Variants in LRP1B observed in about 807,000 individuals in gnomAD.
The protein encoded by LRP1B is LDL receptor related protein 1B.
A neutral mutation model predicts 556.6 loss-of-function variants in LRP1B; 217 were observed. The observed-to-expected ratio is 0.39, with a 90% CI of 0.35 to 0.44. LRP1B has a LOEUF of 0.44. Among genes scored for constraint, LRP1B ranks in the 20% least tolerant of loss-of-function variants. The probability of loss-of-function intolerance (pLI) is 1.00; values close to 1 mark genes in which losing one functional copy is unlikely to be tolerated. For synonymous variants in LRP1B, 2,047 were observed against 1,865.8 expected, an observed-to-expected ratio of 1.10 and a Z score of -2.50; for missense variants, 5,053 against 5,620.8, an observed-to-expected ratio of 0.90 and a Z score of 3.23.
chr2:141,159,907 C>T (rs1053046740), intron 7 of LRP1B, among the ~76,000 whole-genome samples: 12 of 152,198 alleles, frequency 7.9e-5, no homozygotes, highest in African/African-American at 2.6e-4. Flanking sequence ...AAACCAAACA[C>T]TGCATGTTCT....
rs552496866 is a variant in LRP1B at position 140,365,604 on chromosome 2, G to A, written c.11009-821C>T. Among the ~76,000 whole-genome samples the A allele has an allele frequency of 1.4e-3, 206 of 151,658 alleles. 3 individuals are homozygous for A. The highest frequency in any genetic ancestry group is 5.8e-3 in the South Asian group (28 of 4,816). On this transcript the variant is annotated intron_variant, in intron 71 of 90. Transcript: ENST00000389484. ...TGGATAACTCTATTAATATCTCTGG[G>A]ACTCAATGTTTTTATATGTTATAAA...
In LRP1B at chr2:141,848,917, CCTGG is replaced by C. The variant is rs1469253748; in HGVS notation, c.83-38520_83-38517del. On this transcript the variant is annotated intron_variant, in intron 1 of 90. Transcript: ENST00000389484. ...TGCCATTCAGATGTCCAGGGGAGTG[CCTGG>C]CACATAGTAAATGTTCATTAATATG... Among the ~76,000 whole-genome samples, 7 of 151,412 alleles carry C rather than the reference CCTGG, an allele frequency of 4.6e-5. No individual in the cohort carries two copies. In the East Asian group the frequency reaches 1.4e-3, roughly 29 times the overall value.
rs552662563 is a variant in LRP1B at position 141,619,208 on chromosome 2, C to T, written c.206-138675G>A. ...TTTCTGCTTTTTATAATCATAGGGC[C>T]TGATCTTGAGTAGGCATTATTTGCT... On this transcript the variant is annotated intron_variant, in intron 2 of 90. Transcript: ENST00000389484. Among the ~76,000 whole-genome samples, 30 of 152,254 alleles carry T rather than the reference C, an allele frequency of 2.0e-4. 1 individual carries two copies. The highest frequency in any genetic ancestry group is 7.0e-4 in the African/African-American group (29 of 41,540).
chr2:140,689,303 CTG>C (rs754499973), intron 41 of LRP1B, among the ~76,000 whole-genome samples: 5 of 152,194 alleles, frequency 3.3e-5, no homozygotes, highest in Admixed American at 2.0e-4. Context: ...AGTGTTCAAA[CTG>C]TGTTCAAATA....
chr2:141,069,637 C>G (rs901532926), intron 7 of LRP1B, among the ~76,000 whole-genome samples: 1 of 152,060 alleles, frequency 6.6e-6, no homozygotes, highest in Non-Finnish European at 1.5e-5. Context: ...TCACCCGTGG[C>G]TACACTTTAC....
rs537282146 is a variant in LRP1B at position 141,319,312 on chromosome 2, T to G, written c.344-64671A>C. Among the ~76,000 whole-genome samples, 1,219 of 148,370 alleles carry G rather than the reference T, an allele frequency of 8.2e-3. 22 individuals carry two copies. Among genetic ancestry groups the G allele is most frequent in the Non-Finnish European group, 0.014 (935 of 67,062 alleles). On this transcript the variant is annotated intron_variant, in intron 3 of 90. Transcript: ENST00000389484. ...CTAAAAAGCAGTGTTTTTTTGTTGT[T>G]TTTTTTTTTTTTCCTACTCTTACTT... is the stretch of plus-strand genomic sequence containing the variant.
chr2:140,794,771 G>A (rs964254282), intron 32 of LRP1B, among the ~76,000 whole-genome samples: 1 of 151,686 alleles, frequency 6.6e-6, no homozygotes, highest in Non-Finnish European at 1.5e-5. Flanking sequence ...GAGCCACTAC[G>A]CCCAGCTAAT....
chr2:140,529,306 G>C (rs11901153), intron 47 of LRP1B, among the ~76,000 whole-genome samples: 1 of 151,590 alleles, frequency 6.6e-6, no homozygotes, highest in Non-Finnish European at 1.5e-5. Context: ...AAAATATTTA[G>C]TGAGATTTGA....
chr2:140,600,085 T>A (rs1682594757), intron 42 of LRP1B, among the ~76,000 whole-genome samples: 1 of 152,148 alleles, frequency 6.6e-6, no homozygotes, highest in African/African-American at 2.4e-5. Flanking sequence ...AGGTGAAAAG[T>A]GTAAATGTTA....
At chr2:142,095,231 T>C (rs1706318023) in intron 1 of LRP1B, among the ~76,000 whole-genome samples, 5 of 151,430 alleles carry the variant, frequency 3.3e-5, no homozygotes, top group African/African-American at 1.2e-4. Flanking sequence ...TGTGAAGCAA[T>C]GCACAAGAGT....
At position 141,698,291 on chromosome 2, in the gene LRP1B, C is replaced by G. The variant is rs149624832; in HGVS notation, c.205+111988G>C. Among the ~76,000 whole-genome samples, 33 of 151,648 alleles carry G rather than the reference C, an allele frequency of 2.2e-4. 1 individual carries two copies. In the East Asian group the frequency reaches 6.5e-3, roughly 30 times the overall value. ...ATCCTGCTCTCGCACATCTTCCTAC[C>G]GAGTAGAAAGTTTAGACAATTATAC... On this transcript the variant is annotated intron_variant, in intron 2 of 90. Transcript: ENST00000389484.
At chr2:140,776,070 C>G (rs1689486565) in intron 33 of LRP1B, 28 bp downstream of exon 33, 1 of 1,510,602 alleles carries the variant, frequency 6.6e-7, no homozygotes, top group African/African-American at 1.5e-5. Flanking sequence ...TATTCAAGAC[C>G]TGGCACAAAT....
At chr2:140,654,117 C>A (rs892716377) in intron 41 of LRP1B, among the ~76,000 whole-genome samples, 1 of 148,650 alleles carries the variant, frequency 6.7e-6, no homozygotes, top group Non-Finnish European at 1.5e-5. Flanking sequence ...TGAGTAATTG[C>A]TATTTTTATA....
chr2:141,801,012 C>T (rs1695988808), intron 2 of LRP1B, among the ~76,000 whole-genome samples: 1 of 152,068 alleles, frequency 6.6e-6, no homozygotes, highest in Non-Finnish European at 1.5e-5. Context: ...CTAACGTGCA[C>T]ATTTGAAAGC....
intron 7 of LRP1B, among the ~76,000 whole-genome samples, chr2:141,084,450 A>G (rs1699998290): frequency 6.6e-6 from 1 of 152,210 alleles, no homozygotes; most frequent in African/African-American, 2.4e-5. Context: ...TTGAAAGTGT[A>G]AGTAATAAAC....
At chr2:140,365,001 T>G (rs561873981) in intron 71 of LRP1B, among the ~76,000 whole-genome samples, 6 of 151,714 alleles carry the variant, frequency 4.0e-5, no homozygotes, top group Middle Eastern at 3.4e-3. Flanking sequence ...AATATTACTC[T>G]CATATATGTC....
chr2:141,896,933 A>T (rs1574473105), intron 1 of LRP1B, among the ~76,000 whole-genome samples: 1 of 152,120 alleles, frequency 6.6e-6, no homozygotes, highest in African/African-American at 2.4e-5. Flanking sequence ...GATACCTGTC[A>T]AACTTAAATG....
At chr2:141,711,892 G>A (rs1006627765) in intron 2 of LRP1B, among the ~76,000 whole-genome samples, 1 of 151,678 alleles carries the variant, frequency 6.6e-6, no homozygotes, top group Admixed American at 6.6e-5. Context: ...CTTTTTAACT[G>A]GAGTTTTTCT....
intron 66 of LRP1B, among the ~76,000 whole-genome samples, chr2:140,413,382 G>A (rs1296419891): frequency 1.3e-5 from 2 of 151,910 alleles, no homozygotes; most frequent in African/African-American, 2.4e-5. Flanking sequence ...AATCCCCTTA[G>A]AGACAGATCT....
Sources: gnomAD v4.1 joint callset for allele counts (sites outside exome capture counted in the v4.1 genomes callset) on GRCh38, gnomAD v4.1.1 for gene constraint, MANE v1.5 for transcripts, NCBI Gene and HGNC (gene_info 2026-07-23, HGNC 2026-07-21) for gene names.